Variants in C1orf105 observed in about 807,000 individuals in gnomAD.
C1orf105 encodes chromosome 1 open reading frame 105.
A neutral mutation model predicts 20.8 loss-of-function variants in C1orf105; 17 were observed. The ratio of observed to expected loss-of-function variants is 0.82; its 90% confidence interval spans 0.56 to 1.23. The LOEUF is 1.23. Among genes scored for constraint, C1orf105 ranks in the 50% most tolerant of loss-of-function variants. The pLI, the probability that C1orf105 is intolerant of heterozygous loss-of-function variation, is 0.00. For synonymous variants in C1orf105, 72 were observed against 72.1 expected, an observed-to-expected ratio of 1.00 and a Z score of 0.01; for missense variants, 219 against 213.5, an observed-to-expected ratio of 1.03 and a Z score of -0.16.
intron 4 of C1orf105, among the ~76,000 whole-genome samples, chr1:172,457,825 G>T (rs1353085883): frequency 1.3e-5 from 2 of 152,168 alleles, no homozygotes; most frequent in Non-Finnish European, 2.9e-5. Flanking sequence ...TAAAAGGAAG[G>T]GCTTCAAACA....
intron 5 of C1orf105, among the ~76,000 whole-genome samples, chr1:172,463,213 A>G (rs1649819140): frequency 6.6e-6 from 1 of 152,248 alleles, no homozygotes; most frequent in African/African-American, 2.4e-5. Flanking sequence ...TTGCATTGCA[A>G]TAGATGGTTG....
At chr1:172,458,044 T>C in intron 4 of C1orf105, among the ~76,000 whole-genome samples, 1 of 152,152 alleles carries the variant, frequency 6.6e-6, no homozygotes, top group East Asian at 1.9e-4. Flanking sequence ...GGGGAATATA[T>C]AAAAAGACTC....
At chr1:172,456,377 C>T (rs749103807) in intron 3 of C1orf105, 38 bp from the exon 4 acceptor site, 4 of 1,570,978 alleles carry the variant, frequency 2.5e-6, no homozygotes, top group African/African-American at 1.3e-5. Flanking sequence ...ACATGCCCCA[C>T]CATTTCCTCA....
intron 3 of C1orf105, chr1:172,452,789 A>G: frequency 7.4e-7 from 1 of 1,356,672 alleles, no homozygotes. Context: ...CACAACTGCC[A>G]TCTGCTATCC....
At chr1:172,426,739 A>G (rs1558123071) in intron 1 of C1orf105, among the ~76,000 whole-genome samples, 1 of 151,932 alleles carries the variant, frequency 6.6e-6, no homozygotes, top group Non-Finnish European at 1.5e-5. Context: ...TGGATCTCCA[A>G]TCTATTCACC....
At chr1:172,426,661 C>T (rs2071731148) in intron 1 of C1orf105, among the ~76,000 whole-genome samples, 1 of 151,836 alleles carries the variant, frequency 6.6e-6, no homozygotes, top group African/African-American at 2.4e-5. Context: ...AAATTAAAAC[C>T]TTGTCTTTCC....
rs556508787 is a variant in C1orf105, at chr1:172,464,410, T to TA, written c.342-888dup. ...AAACCATGAAATGAATGTAGAGCCT[T>TA]AGATGGCCCATCAAAGTTTACAAAT... On this transcript the variant is annotated intron_variant, in intron 5 of 6. Transcript: ENST00000367727. Among the ~76,000 whole-genome samples, 4 of 152,352 alleles carry TA rather than the reference T, an allele frequency of 2.6e-5. No homozygotes were observed. In the East Asian group the frequency reaches 7.7e-4, roughly 29 times the overall value.
chr1:172,465,381 G>T lies in C1orf105; in HGVS notation c.406+18G>T. The T allele has an allele frequency of 6.4e-7, 1 of 1,560,960 alleles. No homozygotes were observed. Among genetic ancestry groups the T allele is most frequent in the Non-Finnish European group, 8.8e-7 (1 of 1,131,918 alleles). On this transcript the variant is annotated intron_variant, in intron 6 of 6. Coordinates refer to ENST00000367727, the MANE Select transcript of C1orf105 (RefSeq NM_139240.4). ...CCCAACAGGTTTGCTTTCTTTTAGA[G>T]TACTTATAGTGTGAAACACACTAGA...
chr1:172,450,648 C>T (rs1648525192), intron 3 of C1orf105, among the ~76,000 whole-genome samples: 1 of 152,238 alleles, frequency 6.6e-6, no homozygotes, highest in Non-Finnish European at 1.5e-5. Context: ...CTCCTGCCAC[C>T]TGGCTGCGTT....
chr1:172,432,345 G>A (rs900392234), intron 1 of C1orf105, among the ~76,000 whole-genome samples: 19 of 152,162 alleles, frequency 1.2e-4, no homozygotes, highest in Non-Finnish European at 2.2e-4. Flanking sequence ...AGTAGGGGCC[G>A]ACTGACACCT....
chr1:172,464,363 C>T (rs149263160), intron 5 of C1orf105, among the ~76,000 whole-genome samples: 12 of 152,260 alleles, frequency 7.9e-5, no homozygotes, highest in African/African-American at 2.2e-4. Context: ...AAAATAATCT[C>T]GGAAGATCTT....
intron 3 of C1orf105, among the ~76,000 whole-genome samples, chr1:172,450,301 T>C (rs1039734587): frequency 1.3e-5 from 2 of 152,128 alleles, no homozygotes; most frequent in Non-Finnish European, 1.5e-5. Flanking sequence ...CCCCTGCAGA[T>C]TGAAACACAA....
At chr1:172,436,589 A>G (rs1397164251) in intron 1 of C1orf105, among the ~76,000 whole-genome samples, 1 of 152,246 alleles carries the variant, frequency 6.6e-6, no homozygotes, top group African/African-American at 2.4e-5. Flanking sequence ...ACAAAAATTA[A>G]TTCAAGATGG....
chr1:172,459,440 A>T (rs914154720), intron 4 of C1orf105, among the ~76,000 whole-genome samples: 1 of 152,202 alleles, frequency 6.6e-6, no homozygotes, highest in Non-Finnish European at 1.5e-5. Context: ...ACATGAAAAG[A>T]TACTCAACAT....
chr1:172,445,140 T>G lies in C1orf105; in HGVS notation c.89T>G (p.Val30Gly), dbSNP rs1362313965. Reference protein sequence around the residue: ...SEASLVNKPLVLSLPRRYPHT... With the variant: ...SEASLVNKPLGLSLPRRYPHT... ...GCCAGCCTTGTAAACAAGCCATTAG[T>G]GCTCAGCCTTCCCAGAAGGTAACCT... The change falls in exon 2 of 7, where the codon GTG becomes GGG. Residue 30 changes from valine to glycine, a missense_variant. Val to Gly is a moderately radical substitution (Grantham distance 109). Coordinates refer to ENST00000367727, the MANE Select transcript of C1orf105 (RefSeq NM_139240.4). 1.2e-6 allele frequency: 2 copies of G among 1,612,390 alleles called. No individual in the cohort carries two copies. Among genetic ancestry groups the G allele is most frequent in the Non-Finnish European group, 1.7e-6 (2 of 1,179,368 alleles).
chr1:172,462,038 C>A, intron 4 of C1orf105, 140 bp from the exon 5 acceptor site: 1 of 654,830 alleles, frequency 1.5e-6, no homozygotes, highest in Non-Finnish European at 2.7e-6. Flanking sequence ...AGGGTGAAAC[C>A]CTCTGGTCAT....
At chr1:172,432,394 G>A (rs1178142453) in intron 1 of C1orf105, among the ~76,000 whole-genome samples, 2 of 152,202 alleles carry the variant, frequency 1.3e-5, no homozygotes, top group African/African-American at 4.8e-5. Context: ...AGATTCCAGA[G>A]GAAGGATCAG....
At chr1:172,455,302 C>T (rs1649117513) in intron 3 of C1orf105, among the ~76,000 whole-genome samples, 1 of 152,088 alleles carries the variant, frequency 6.6e-6, no homozygotes, top group South Asian at 2.1e-4. Flanking sequence ...AGGAGCACAC[C>T]TCAGGAACTC....
chr1:172,468,695 C>T lies in C1orf105; in HGVS notation c.*101C>T. ...TTCTCCTCACAATTTTCTCTCTTCT[C>T]CCAAAAGATGATTTAATTTTGCCTT... On this transcript the variant is annotated 3_prime_UTR_variant, in exon 7 of 7. Transcript: ENST00000367727. 7.6e-7 allele frequency: 1 copy of T among 1,316,450 alleles called. No homozygotes were observed. The highest frequency in any genetic ancestry group is 1.0e-6 in the Non-Finnish European group (1 of 959,650). 81.5% of individuals were successfully genotyped at this position (1,316,450 alleles called of 1,614,324 possible). A position where few individuals can be genotyped will look rare whatever the true frequency, so the allele number is the denominator to read the frequency against.
Sources: gnomAD v4.1 joint callset for allele counts (sites outside exome capture counted in the v4.1 genomes callset) on GRCh38, gnomAD v4.1.1 for gene constraint, MANE v1.5 for transcripts, NCBI Gene and HGNC (gene_info 2026-07-23, HGNC 2026-07-21) for gene names.